The following SPAG9 variants were observed in gnomAD, a reference collection of about 807,000 sequenced individuals.
SPAG9 encodes sperm associated antigen 9.
A neutral mutation model predicts 166.5 loss-of-function variants in SPAG9; 35 were observed. The observed-to-expected ratio is 0.21, with a 90% confidence interval of 0.16 to 0.28. The LOEUF (loss-of-function observed/expected upper bound fraction) is 0.28, where lower values mean the gene tolerates loss of function less well. Among genes scored for constraint, SPAG9 ranks in the 10% least tolerant of loss-of-function variants. The pLI is 1.00. For synonymous variants in SPAG9, 534 were observed against 565.5 expected, an observed-to-expected ratio of 0.94 and a Z score of 0.79; for missense variants, 1,235 against 1,603.3, an observed-to-expected ratio of 0.77 and a Z score of 3.92.
At position 50,964,171 on chromosome 17, in the gene SPAG9, T is replaced by G. The variant is rs1029351528; in HGVS notation, c.*2101A>C. The G allele has an allele frequency of 1.3e-5, 2 of 152,244 alleles. No individual in the cohort carries two copies. Among genetic ancestry groups the G allele is most frequent in the African/African-American group, 4.8e-5 (2 of 41,462 alleles). 9.4% of individuals were successfully genotyped at this position (152,244 alleles called of 1,614,324 possible). On this transcript the variant is annotated 3_prime_UTR_variant, in exon 30 of 30. Transcript: ENST00000262013. ...TCCAGAAAAAAAAAATCAGTGGTAC[T>G]TAAGAATGTTTAGACAATTTGACAT...
chr17:51,046,353 T>C (rs2047020826), intron 4 of SPAG9: 1 of 620,176 alleles, frequency 1.6e-6, no homozygotes, highest in Non-Finnish European at 2.8e-6. Flanking sequence ...GGTCTATAAA[T>C]TACTATAAAT....
In SPAG9 at chr17:51,099,236, C is replaced by A. The variant is rs140163885; in HGVS notation, c.304-19532G>T. On this transcript the variant is annotated intron_variant, in intron 1 of 29. Coordinates refer to ENST00000262013, the MANE Select transcript of SPAG9 (RefSeq NM_001130528.3). ...ATCACCTGAGGTCAGCAGTTTGAGA[C>A]CAGCCTGACCAACGTGGAGAAACCC... Among the ~76,000 whole-genome samples, 124 of 151,502 alleles carry A rather than the reference C, an allele frequency of 8.2e-4. 1 individual carries two copies. The East Asian group carries it at 0.02, about 25-fold the overall frequency.
chr17:51,026,553 CT>C (rs917825527), intron 6 of SPAG9, among the ~76,000 whole-genome samples: 23 of 152,038 alleles, frequency 1.5e-4, no homozygotes, highest in Admixed American at 1.4e-3. Flanking sequence ...ATATTTTACA[CT>C]CTTTAAAATA....
In SPAG9 at chr17:51,009,868, T is replaced by C. The variant is rs575948134; in HGVS notation, c.1214-2542A>G. Among the ~76,000 whole-genome samples the C allele has an allele frequency of 1.9e-3, 290 of 152,236 alleles. 1 individual carries two copies. Among genetic ancestry groups the C allele is most frequent in the Non-Finnish European group, 3.3e-3 (223 of 68,010 alleles). On this transcript the variant is annotated intron_variant, in intron 9 of 29. Coordinates refer to ENST00000262013, the MANE Select transcript of SPAG9 (RefSeq NM_001130528.3). ...TTACATTAAATGTACACATTCCCAA[T>C]GAAGAGTTATCTTAATATATGGTGT...
At chr17:51,037,665 T>TTATATATATATATATATATATATA (rs59365716) in intron 5 of SPAG9, among the ~76,000 whole-genome samples, 24 of 92,902 alleles carry the variant, frequency 2.6e-4, no homozygotes, top group African/African-American at 8.6e-4. Flanking sequence ...TATATGTGTT[T>TTATATATATATATATATATATATA]TATATATATA....
intron 9 of SPAG9, chr17:51,009,106 TTAAAA>T (rs1404276224): frequency 2.2e-6 from 1 of 445,110 alleles, no homozygotes; most frequent in Non-Finnish European, 4.5e-6. Context: ...AGCAGTAATA[TTAAAA>T]TATTCAAAAT....
At chr17:51,058,764 C>A (rs970567360) in intron 2 of SPAG9, among the ~76,000 whole-genome samples, 7 of 152,174 alleles carry the variant, frequency 4.6e-5, no homozygotes, top group Non-Finnish European at 8.8e-5. Flanking sequence ...GTGAAAAACA[C>A]AACACACCAA....
At chr17:51,069,753 T>C (rs35217981) in intron 2 of SPAG9, among the ~76,000 whole-genome samples, 13 of 152,288 alleles carry the variant, frequency 8.5e-5, no homozygotes, top group Admixed American at 3.3e-4. Context: ...AAGTGAAGGC[T>C]TGCAGGTATT....
intron 1 of SPAG9, among the ~76,000 whole-genome samples, chr17:51,089,486 TCAC>T (rs1268546915): frequency 6.7e-6 from 1 of 149,700 alleles, no homozygotes; most frequent in Admixed American, 6.7e-5. Context: ...ATCTCGGAAA[TCAC>T]CACTAAAGAA....
rs113796408 is a variant in SPAG9, at chr17:51,110,361, A to G, written c.303+9993T>C. 7.9e-3 allele frequency among the ~76,000 whole-genome samples: 1,165 copies of G among 146,934 alleles called. 6 individuals carry two copies. Among genetic ancestry groups the G allele is most frequent in the Non-Finnish European group, 0.013 (888 of 66,952 alleles). ...AAAAAGCTGGGAGGGGTGGTGGTGG[A>G]TTTACTGAAAAAGTTTACTAACCTT... On this transcript the variant is annotated intron_variant, in intron 1 of 29. Transcript: ENST00000262013.
intron 1 of SPAG9, among the ~76,000 whole-genome samples, chr17:51,088,950 A>G (rs2048372863): frequency 7.0e-6 from 1 of 142,074 alleles, no homozygotes; most frequent in Admixed American, 7.0e-5. Flanking sequence ...AAAATTAGCC[A>G]GGCGAGGTGG....
At chr17:51,049,196 G>GAC (rs1248954591) in intron 3 of SPAG9, among the ~76,000 whole-genome samples, 1 of 151,896 alleles carries the variant, frequency 6.6e-6, no homozygotes, top group African/African-American at 2.4e-5. Flanking sequence ...AACACAGCAA[G>GAC]ACACCAGCTC....
chr17:51,050,715 C>T (rs1241138072), intron 3 of SPAG9, among the ~76,000 whole-genome samples: 2 of 150,664 alleles, frequency 1.3e-5, no homozygotes, highest in African/African-American at 4.9e-5. Flanking sequence ...CACAGTATCA[C>T]TCAGGTTAAA....
chr17:51,009,956 T>C (rs931022634), intron 9 of SPAG9, among the ~76,000 whole-genome samples: 1 of 152,130 alleles, frequency 6.6e-6, no homozygotes, highest in Non-Finnish European at 1.5e-5. Flanking sequence ...TCAATAACTC[T>C]TTATAAGAAA....
chr17:50,968,759 T>C (rs1442128024), intron 29 of SPAG9, among the ~76,000 whole-genome samples: 1 of 151,872 alleles, frequency 6.6e-6, no homozygotes, highest in Admixed American at 6.6e-5. Context: ...AGCAAATAAA[T>C]AAACATATTT....
chr17:51,091,285 A>C (rs1206829020), intron 1 of SPAG9, among the ~76,000 whole-genome samples: 1 of 151,918 alleles, frequency 6.6e-6, no homozygotes, highest in African/African-American at 2.4e-5. Context: ...AAAAAAAAAA[A>C]AAAAAAGGAA....
At chr17:50,990,077 GA>G (rs1597923498) in intron 20 of SPAG9, 1 of 591,530 alleles carries the variant, frequency 1.7e-6, no homozygotes, top group African/African-American at 1.9e-5. Flanking sequence ...GCCCAGGCTG[GA>G]GTGCGGCGGC....
chr17:50,990,870 A>T, intron 19 of SPAG9: 2 of 532,290 alleles, frequency 3.8e-6, no homozygotes, highest in Non-Finnish European at 6.7e-6. Flanking sequence ...TTCTATTAAC[A>T]CAAGTGCAAA....
At chr17:50,995,399 C>T (rs2044632932) in intron 17 of SPAG9, 45 bp downstream of exon 17, 1 of 1,500,440 alleles carries the variant, frequency 6.7e-7, no homozygotes, top group African/African-American at 1.4e-5. Flanking sequence ...AAAAAAACTA[C>T]CCAGAGTTTA....
Sources: allele counts gnomAD v4.1 joint callset (sites outside exome capture counted in the v4.1 genomes callset), GRCh38; gene constraint gnomAD v4.1.1; transcripts MANE v1.5; gene names NCBI Gene and HGNC (gene_info 2026-07-23, HGNC 2026-07-21).